BCL9: variants seen among roughly 807,000 people sequenced by gnomAD.
BCL9 encodes BCL9 transcription coactivator, also known as B-cell CLL/lymphoma 9 protein.
BCL9 carries 25 observed loss-of-function variants against 88.5 expected under a neutral mutation model. That is an observed-to-expected ratio of 0.28 (90% CI 0.21 to 0.39). The LOEUF is 0.39. Ranked by LOEUF, BCL9 falls within the 10% of genes least tolerant of loss-of-function variation. BCL9 has a pLI of 1.00. For missense variants in BCL9, 1,817 were observed against 1,877.8 expected, an observed-to-expected ratio of 0.97 and a Z score of 0.60; for synonymous variants, 711 against 673.3, an observed-to-expected ratio of 1.06 and a Z score of -0.87.
rs587658244 is a variant in BCL9, at chr1:147,543,218, T to C, written c.-478+1544T>C. ...CATTGATTGTTTAAAGGCTCTCAGT[T>C]GTAGCTCTCTCTGAATTCTCTGGAG... On this transcript the variant is annotated intron_variant, in intron 1 of 9. Transcript: ENST00000234739. Among the ~76,000 whole-genome samples, 14 of 152,358 alleles carry C rather than the reference T, an allele frequency of 9.2e-5. No homozygotes were observed. In the South Asian group the frequency reaches 2.9e-3, roughly 32 times the overall value.
intron 1 of BCL9, among the ~76,000 whole-genome samples, chr1:147,598,491 C>A (rs1553200703): frequency 6.6e-6 from 1 of 152,178 alleles, no homozygotes; most frequent in African/African-American, 2.4e-5. Context: ...TCATTTAGGG[C>A]TCTCTTGACC....
intron 1 of BCL9, among the ~76,000 whole-genome samples, chr1:147,589,860 A>C (rs1656776389): frequency 6.6e-6 from 1 of 152,230 alleles, no homozygotes; most frequent in African/African-American, 2.4e-5. Context: ...CTAGAAGTAG[A>C]AGTTCTGAGT....
At position 147,615,836 on chromosome 1, in the gene BCL9, A is replaced by G; in HGVS notation, c.594A>G (p.Glu198=). The G allele has an allele frequency of 1.2e-6, 2 of 1,614,208 alleles. No homozygotes were observed. The highest frequency in any genetic ancestry group is 1.7e-6 in the Non-Finnish European group (2 of 1,180,034). Residue 198 remains glutamate (E), a synonymous_variant, in exon 7 of 10, where the codon GAA becomes GAG. Transcript: ENST00000234739. The part of the protein sequence containing the change: ...AAEAVLKGQV[E]TIVSFHIQNI... ...AAGCTGTTTTGAAGGGCCAGGTTGA[A>G]ACTATCGTCTCTTTCCACATCCAGA...
At chr1:147,606,919 C>T (rs1174687450) in intron 3 of BCL9, 53 bp downstream of exon 3, 3 of 152,520 alleles carry the variant, frequency 2.0e-5, no homozygotes, top group South Asian at 2.1e-4. Flanking sequence ...CTTAGAAGAA[C>T]GAGCTTAGGG....
At chr1:147,573,268 T>G (rs1273046098) in intron 1 of BCL9, among the ~76,000 whole-genome samples, 3 of 152,164 alleles carry the variant, frequency 2.0e-5, no homozygotes, top group Non-Finnish European at 2.9e-5. Flanking sequence ...CCGACTAACA[T>G]GGTGAAACCC....
At position 147,611,570 on chromosome 1, in the gene BCL9, T is replaced by C. The variant is rs1658004635; in HGVS notation, c.-259-8T>C. ...TCCCAACTTTTTTTGGGTGGCCTTT[T>C]CCTGTAGTATGCCCTGGAGATGCGA... On this transcript the variant is annotated splice_region_variant and splice_polypyrimidine_tract_variant and intron_variant, in intron 3 of 9. Transcript: ENST00000234739. The C allele has an allele frequency of 6.1e-6, 3 of 493,656 alleles. No homozygotes were observed. In the South Asian group the frequency reaches 9.9e-5, roughly 16 times the overall value. 30.6% of individuals were successfully genotyped at this position (493,656 alleles called of 1,614,324 possible).
At chr1:147,589,576 A>G (rs1656762810) in intron 1 of BCL9, among the ~76,000 whole-genome samples, 1 of 152,222 alleles carries the variant, frequency 6.6e-6, no homozygotes, top group African/African-American at 2.4e-5. Flanking sequence ...AAATCATGCA[A>G]TATGTAGTCT....
chr1:147,569,699 T>G (rs1553197136), intron 1 of BCL9, among the ~76,000 whole-genome samples: 1 of 151,902 alleles, frequency 6.6e-6, no homozygotes, highest in Non-Finnish European at 1.5e-5. Context: ...CTTACAGTAC[T>G]TTGGAATAGA....
At position 147,614,524 on chromosome 1, in the gene BCL9, C is replaced by G. The variant is rs782417406; in HGVS notation, c.468C>G (p.Pro156=). The G allele has an allele frequency of 1.9e-6, 3 of 1,614,114 alleles. No individual in the cohort carries two copies. The highest frequency in any genetic ancestry group is 1.7e-5 in the Admixed American group (1 of 60,022). ...SNATAPRSST[P]SHGQTTATEP... ...CTACAGCCCCCAGGTCTTCTACCCC[C>G]TCCCATGGCCAAACTACTGCCACAG... Residue 156 remains proline, a synonymous_variant, in exon 6 of 10, where the codon CCC becomes CCG. Transcript: ENST00000234739.
chr1:147,599,335 T>C (rs1657215573), intron 1 of BCL9, among the ~76,000 whole-genome samples: 1 of 152,120 alleles, frequency 6.6e-6, no homozygotes, highest in Non-Finnish European at 1.5e-5. Context: ...TGGAACTGCG[T>C]CCCGAAGGTG....
chr1:147,614,393 A>G, intron 5 of BCL9, 34 bp from the exon 6 acceptor site: 1 of 1,601,516 alleles, frequency 6.2e-7, no homozygotes, highest in Non-Finnish European at 8.6e-7. Context: ...AGGAAATTTT[A>G]TTCTTTCTGT....
In BCL9 at chr1:147,625,610, T is replaced by C; in HGVS notation, c.*651T>C. 1 of 223,734 alleles carries C rather than the reference T, an allele frequency of 4.5e-6. No homozygotes were observed. The allele number at this position is 223,734 out of a possible 1,614,324, so 13.9% of individuals were successfully genotyped here. ...TGGGGGGAGGGGGGAGATTTTTCTT[T>C]TGAAAAATAATGACTCTTAGGACAT... On this transcript the variant is annotated 3_prime_UTR_variant, in exon 10 of 10. Transcript: ENST00000234739.
In BCL9 at chr1:147,612,907, G is replaced by C. The variant is rs1553202844; in HGVS notation, c.78G>C (p.Val26=). 6.2e-7 allele frequency: 1 copy of C among 1,613,968 alleles called. No individual in the cohort carries two copies. Among genetic ancestry groups the C allele is most frequent in the East Asian group, 2.2e-5 (1 of 44,880 alleles). ...TQSSPKSKQE[V]MVRPPTVMSP... ...GTAGCCCTAAGTCAAAGCAGGAGGT[G>C]ATGGTCCGTCCCCCTACAGTGATGT... The change falls in exon 5 of 10, where the codon GTG becomes GTC. Residue 26 remains valine, a synonymous_variant. Coordinates refer to ENST00000234739, the MANE Select transcript of BCL9 (RefSeq NM_004326.4).
intron 9 of BCL9, among the ~76,000 whole-genome samples, 184 bp downstream of exon 9, chr1:147,622,715 C>T (rs1455255524): frequency 6.6e-6 from 1 of 152,138 alleles, no homozygotes; most frequent in Non-Finnish European, 1.5e-5. Context: ...TTCTTATTAG[C>T]TTGATTCCTT....
intron 1 of BCL9, among the ~76,000 whole-genome samples, chr1:147,583,584 G>A (rs782143416): frequency 2.6e-5 from 4 of 151,894 alleles, no homozygotes; most frequent in Admixed American, 6.6e-5. Flanking sequence ...AGCCTAGATC[G>A]TTTGCCTTTT....
At position 147,575,033 on chromosome 1, in the gene BCL9, G is replaced by A. The variant is rs78401925; in HGVS notation, c.-477-29744G>A. ...GGCTGACTCATATATAACCAGAGAA[G>A]ACTGTACAAAAAAGACGAATAATAA... On this transcript the variant is annotated intron_variant, in intron 1 of 9. Coordinates refer to ENST00000234739, the MANE Select transcript of BCL9 (RefSeq NM_004326.4). Among the ~76,000 whole-genome samples the A allele has an allele frequency of 1.2e-4, 19 of 152,268 alleles. No homozygotes were observed. In the East Asian group the frequency reaches 3.7e-3, roughly 29 times the overall value.
chr1:147,615,966 G>A, intron 7 of BCL9, 64 bp downstream of exon 7: 1 of 1,484,164 alleles, frequency 6.7e-7, no homozygotes, highest in Non-Finnish European at 9.3e-7. Context: ...AGGAAAGGAG[G>A]TGGTGAATTT....
At chr1:147,588,291 C>T (rs782300881) in intron 1 of BCL9, among the ~76,000 whole-genome samples, 7 of 152,172 alleles carry the variant, frequency 4.6e-5, no homozygotes, top group African/African-American at 1.7e-4. Flanking sequence ...CCTGACTTGG[C>T]TGAACCCTCA....
At chr1:147,545,929 TGCTA>T (rs1654551676) in intron 1 of BCL9, among the ~76,000 whole-genome samples, 1 of 152,176 alleles carries the variant, frequency 6.6e-6, no homozygotes, top group East Asian at 1.9e-4. Flanking sequence ...GGGGTGAAAC[TGCTA>T]GCTAATTAAA....
Sources: allele counts gnomAD v4.1 joint callset (sites outside exome capture counted in the v4.1 genomes callset), GRCh38; gene constraint gnomAD v4.1.1; transcripts MANE v1.5; gene names NCBI Gene and HGNC (gene_info 2026-07-23, HGNC 2026-07-21).